Variants in IMMP2L observed in about 807,000 individuals in gnomAD.
The protein encoded by IMMP2L is inner mitochondrial membrane peptidase subunit 2, also known as mitochondrial inner membrane protease subunit 2.
A neutral mutation model predicts 19.3 loss-of-function variants in IMMP2L; 18 were observed. The observed-to-expected ratio is 0.93, with a 90% CI of 0.64 to 1.38. IMMP2L has a LOEUF of 1.38. Ranked by LOEUF, IMMP2L falls within the 40% of genes most tolerant of loss-of-function variation. IMMP2L has a pLI of 0.00. For synonymous variants in IMMP2L, 76 were observed against 73.0 expected, an observed-to-expected ratio of 1.04 and a Z score of -0.21; for missense variants, 233 against 218.2, an observed-to-expected ratio of 1.07 and a Z score of -0.43.
chr7:111,381,111 A>C (rs958041320), intron 3 of IMMP2L, among the ~76,000 whole-genome samples: 1 of 152,000 alleles, frequency 6.6e-6, no homozygotes, highest in African/African-American at 2.4e-5. Flanking sequence ...TAGCTGATTA[A>C]CCCAGCATAT....
chr7:110,777,226 C>T (rs6961628), intron 5 of IMMP2L, among the ~76,000 whole-genome samples: 75,758 of 151,748 alleles, frequency 0.5, 19,234 homozygotes, highest in African/African-American at 0.58. Flanking sequence ...GAGCCCAGCT[C>T]GGCAGGTGTG....
intron 5 of IMMP2L, among the ~76,000 whole-genome samples, chr7:110,837,524 G>A (rs1039979943): frequency 5.9e-5 from 9 of 152,060 alleles, no homozygotes; most frequent in African/African-American, 2.2e-4. Context: ...ACAAAGACAT[G>A]AGGCTGAAGG....
Position 110,892,729 on chromosome 7 carries a change from AT to A in IMMP2L, c.306-6035del, listed in dbSNP as rs551739253. On this transcript the variant is annotated intron_variant, in intron 4 of 5. Coordinates refer to ENST00000405709, the MANE Select transcript of IMMP2L (RefSeq NM_032549.4). ...AAAAAACATGGACTACCTTAAAAAAATAATAATAAAATTAAATTGACAATAG... is the reference window on the plus strand; with the variant it reads ...AAAAAACATGGACTACCTTAAAAAAAAATAATAAAATTAAATTGACAATAG... Among the ~76,000 whole-genome samples, 107 of 152,338 alleles carry A rather than the reference AT, an allele frequency of 7.0e-4. 2 individuals are homozygous for A. In the Middle Eastern group the frequency reaches 0.02, roughly 29 times the overall value.
At chr7:111,493,622 G>A (rs1285305877) in intron 2 of IMMP2L, among the ~76,000 whole-genome samples, 2 of 151,734 alleles carry the variant, frequency 1.3e-5, no homozygotes, top group Non-Finnish European at 1.5e-5. Flanking sequence ...GGAGAACGGC[G>A]TGAACCCGGG....
intron 3 of IMMP2L, among the ~76,000 whole-genome samples, chr7:111,472,433 TATG>T (rs1410125792): frequency 6.6e-6 from 1 of 152,156 alleles, no homozygotes; most frequent in African/African-American, 2.4e-5. Flanking sequence ...AGCTATAGTA[TATG>T]ATGATATACT....
chr7:111,306,055 G>C (rs1343834567), intron 3 of IMMP2L, among the ~76,000 whole-genome samples: 1 of 152,054 alleles, frequency 6.6e-6, no homozygotes, highest in African/African-American at 2.4e-5. Context: ...TGATATCTTT[G>C]TTTAAATAAA....
chr7:111,554,005 TTAAC>T (rs1398858473), intron 1 of IMMP2L, among the ~76,000 whole-genome samples: 5 of 152,162 alleles, frequency 3.3e-5, no homozygotes, highest in Non-Finnish European at 5.9e-5. Flanking sequence ...TCTCAGTAAC[TTAAC>T]TAAGGATACG....
At chr7:111,517,412 A>T (rs934211811) in intron 2 of IMMP2L, among the ~76,000 whole-genome samples, 8 of 151,936 alleles carry the variant, frequency 5.3e-5, no homozygotes. Context: ...GAAAAAAGGA[A>T]AATGGTACAC....
At chr7:111,201,791 G>A (rs1810165092) in intron 3 of IMMP2L, among the ~76,000 whole-genome samples, 1 of 151,902 alleles carries the variant, frequency 6.6e-6, no homozygotes, top group African/African-American at 2.4e-5. Context: ...CCGCCCTCAT[G>A]AATGAGATTA....
chr7:110,849,506 A>T (rs1027766126), intron 5 of IMMP2L, among the ~76,000 whole-genome samples: 95 of 152,298 alleles, frequency 6.2e-4, no homozygotes, highest in African/African-American at 2.0e-3. Context: ...AAAGTTCATG[A>T]GAGAAAAATT....
chr7:111,016,365 A>G (rs1825536568), intron 3 of IMMP2L, among the ~76,000 whole-genome samples: 1 of 142,044 alleles, frequency 7.0e-6, no homozygotes, highest in South Asian at 2.2e-4. Flanking sequence ...AAATTAATAT[A>G]TTTATATTTT....
intron 5 of IMMP2L, among the ~76,000 whole-genome samples, chr7:110,881,252 T>A (rs760730540): frequency 3.3e-5 from 5 of 152,172 alleles, no homozygotes; most frequent in South Asian, 2.1e-4. Context: ...TAATGGTATC[T>A]CCTTTAAGTG....
At chr7:111,134,097 A>G (rs953826728) in intron 3 of IMMP2L, among the ~76,000 whole-genome samples, 2 of 151,996 alleles carry the variant, frequency 1.3e-5, no homozygotes. Context: ...TTTAAGATTG[A>G]CCTAGTTCTG....
At chr7:111,178,640 G>A (rs1226958718) in intron 3 of IMMP2L, among the ~76,000 whole-genome samples, 1 of 152,076 alleles carries the variant, frequency 6.6e-6, no homozygotes, top group Non-Finnish European at 1.5e-5. Flanking sequence ...CACTTCAGCA[G>A]TGTTCACAGC....
chr7:111,064,609 C>T (rs868698781), intron 3 of IMMP2L, among the ~76,000 whole-genome samples: 15 of 152,208 alleles, frequency 9.9e-5, no homozygotes, highest in Middle Eastern at 6.8e-3. Flanking sequence ...GCTTCCTGTT[C>T]CCACAGTATT....
intron 3 of IMMP2L, among the ~76,000 whole-genome samples, chr7:111,355,916 G>T (rs951273316): frequency 5.3e-5 from 8 of 151,794 alleles, no homozygotes; most frequent in African/African-American, 1.9e-4. Context: ...AATTCTGTTA[G>T]AAAACTTAAT....
intron 5 of IMMP2L, among the ~76,000 whole-genome samples, chr7:110,764,265 A>C (rs547586954): frequency 6.6e-6 from 1 of 152,258 alleles, no homozygotes; most frequent in South Asian, 2.1e-4. Flanking sequence ...AGTACTTACA[A>C]TCCTTTCTTG....
intron 2 of IMMP2L, among the ~76,000 whole-genome samples, chr7:111,500,257 A>G (rs959232402): frequency 3.3e-5 from 5 of 152,092 alleles, no homozygotes; most frequent in African/African-American, 1.2e-4. Context: ...GAGGCTGGGG[A>G]AGGGGCGCCT....
At chr7:111,534,082 A>G (rs78835917) in intron 1 of IMMP2L, among the ~76,000 whole-genome samples, 13,735 of 152,150 alleles carry the variant, frequency 0.09, 775 homozygotes, top group African/African-American at 0.14. Context: ...AAATAAAAAC[A>G]AAGTACTACT....
Sources: gnomAD v4.1 joint callset for allele counts (sites outside exome capture counted in the v4.1 genomes callset) on GRCh38, gnomAD v4.1.1 for gene constraint, MANE v1.5 for transcripts, NCBI Gene and HGNC (gene_info 2026-07-23, HGNC 2026-07-21) for gene names.